ZFHX3: variants seen among roughly 807,000 people sequenced by gnomAD.
ZFHX3 encodes zinc finger homeobox protein 3.
In ZFHX3, 42 loss-of-function variants were observed where a neutral mutation model predicts 279.1. The observed-to-expected ratio is 0.15, with a 90% CI of 0.12 to 0.19. ZFHX3 has a LOEUF of 0.19. ZFHX3 is among the 10% of genes least tolerant of loss of function. ZFHX3 has a pLI of 1.00. For synonymous variants in ZFHX3, 2,293 were observed against 1,957.8 expected (o/e 1.17, Z -4.52); for missense variants, 4,981 against 4,754.0 (o/e 1.05, Z -1.40).
chr16:73,123,963 A>G (rs1416592270), intron 7 of ZFHX3, among the ~76,000 whole-genome samples: 1 of 152,190 alleles, frequency 6.6e-6, no homozygotes, highest in African/African-American at 2.4e-5. Flanking sequence ...TGTGAGAAAT[A>G]CATTTCTATT....
At chr16:73,666,284 A>G (rs1305513093) in intron 2 of ZFHX3, among the ~76,000 whole-genome samples, 1 of 152,018 alleles carries the variant, frequency 6.6e-6, no homozygotes, top group Non-Finnish European at 1.5e-5. Flanking sequence ...ACATGGGATC[A>G]CATCATGTCA....
chr16:73,141,975 T>C (rs1421851308), intron 6 of ZFHX3, among the ~76,000 whole-genome samples: 1 of 152,226 alleles, frequency 6.6e-6, no homozygotes, highest in Non-Finnish European at 1.5e-5. Flanking sequence ...GCAGATGCTC[T>C]TTCAACCAGC....
At chr16:73,568,170 A>T (rs1438935034) in intron 2 of ZFHX3, among the ~76,000 whole-genome samples, 3 of 152,196 alleles carry the variant, frequency 2.0e-5, no homozygotes, top group Non-Finnish European at 4.4e-5. Context: ...AAGTTACTAA[A>T]TTCCTTTACG....
At chr16:73,783,938 T>C (rs751280758) in intron 1 of ZFHX3, among the ~76,000 whole-genome samples, 1 of 152,070 alleles carries the variant, frequency 6.6e-6, no homozygotes, top group Non-Finnish European at 1.5e-5. Flanking sequence ...GTTGATGCTG[T>C]TCCTAAGAAC....
At chr16:73,122,795 G>A (rs1260301978) in intron 7 of ZFHX3, among the ~76,000 whole-genome samples, 3 of 152,156 alleles carry the variant, frequency 2.0e-5, no homozygotes, top group Admixed American at 6.5e-5. Flanking sequence ...GCTTTCCGTG[G>A]CCCTGGGAGC....
At chr16:73,003,578 C>T (rs1567627670) in intron 1 of ZFHX3, among the ~76,000 whole-genome samples, 3 of 135,194 alleles carry the variant, frequency 2.2e-5, no homozygotes, top group East Asian at 2.2e-4. Flanking sequence ...TGATGGCGGG[C>T]GCCTGTAGTC....
chr16:73,445,186 A>G (rs933271050), intron 3 of ZFHX3, among the ~76,000 whole-genome samples: 10 of 151,888 alleles, frequency 6.6e-5, no homozygotes, highest in African/African-American at 2.4e-4. Flanking sequence ...GTATATATGT[A>G]GTTCTGTATA....
intron 1 of ZFHX3, among the ~76,000 whole-genome samples, chr16:73,820,738 T>C (rs554603033): frequency 1.3e-5 from 2 of 152,038 alleles, no homozygotes; most frequent in Admixed American, 6.6e-5. Context: ...TAGTTTGTTA[T>C]ACAGCAATAT....
intron 1 of ZFHX3, among the ~76,000 whole-genome samples, chr16:73,766,228 C>CAGCA (rs1329345000): frequency 6.6e-5 from 10 of 152,164 alleles, no homozygotes; most frequent in African/African-American, 2.4e-4. Flanking sequence ...AACCATGCAG[C>CAGCA]AGCAACTTTT....
intron 7 of ZFHX3, among the ~76,000 whole-genome samples, chr16:73,107,289 G>A (rs570005821): frequency 1.3e-5 from 2 of 151,930 alleles, no homozygotes; most frequent in South Asian, 2.1e-4. Flanking sequence ...CAGACTGGAC[G>A]ACAGAGCAAG....
chr16:72,955,795 ACCCTCACTTTGACCC>A (rs1386890402), intron 2 of ZFHX3, among the ~76,000 whole-genome samples: 1 of 149,780 alleles, frequency 6.7e-6, no homozygotes, highest in Non-Finnish European at 1.5e-5. Flanking sequence ...AAAAAAAAAA[ACCCTCACTTTGACCC>A]AACATGAACC....
chr16:72,796,422 T>A lies in ZFHX3; in HGVS notation c.6260A>T (p.Gln2087Leu), dbSNP rs1464698105. 6.2e-7 allele frequency: 1 copy of A among 1,610,988 alleles called. No individual in the cohort carries two copies. The highest frequency in any genetic ancestry group is 8.5e-7 in the Non-Finnish European group (1 of 1,179,902). Residue 2087 changes from glutamine to leucine, a missense_variant, in exon 9 of 10, where the codon CAG becomes CTG. Physicochemically the swap from Gln to Leu is moderately radical, Grantham distance 113. This residue lies in a region of ZFHX3 where 1,751 missense variants were observed against 1,770.0 expected (regional missense o/e 0.99). Transcript: ENST00000268489. ...APAQPSVPLT[Q>L]LSMPMELPIF... is the part of the protein sequence containing the mutation. ...GGGCAGCTCCATCGGCATGGAGAGC[T>A]GGGTGAGCGGCACTGATGGCTGGGC... is the stretch of plus-strand genomic sequence containing the variant.
chr16:73,497,482 A>G (rs1398489196), intron 2 of ZFHX3, among the ~76,000 whole-genome samples: 1 of 152,200 alleles, frequency 6.6e-6, no homozygotes, highest in Non-Finnish European at 1.5e-5. Flanking sequence ...CAGCCTGGGC[A>G]ACAAAGTGAC....
At chr16:73,729,567 A>G (rs1442555921) in intron 1 of ZFHX3, among the ~76,000 whole-genome samples, 1 of 152,108 alleles carries the variant, frequency 6.6e-6, no homozygotes, top group Non-Finnish European at 1.5e-5. Context: ...AAAAAAAAAA[A>G]AAAACCTGGG....
At position 73,884,875 on chromosome 16, in the gene ZFHX3, A is replaced by T. The variant is rs535753931; in HGVS notation, c.-1608+6776T>A. 4.6e-5 allele frequency among the ~76,000 whole-genome samples: 7 copies of T among 152,334 alleles called. No individual in the cohort carries two copies. The East Asian group carries it at 1.3e-3, about 29-fold the overall frequency. ...TTTATTGTCCTCTTCCCAGAATTAG[A>T]ACTTAATTAGCTGCAAATGCCTTAT... is the stretch of plus-strand genomic sequence containing the variant. On this transcript the variant is annotated intron_variant, in intron 1 of 17. Coordinates refer to the ZFHX3 transcript ENST00000641206.
chr16:72,901,683 G>C (rs776424811), intron 3 of ZFHX3, among the ~76,000 whole-genome samples: 4 of 152,138 alleles, frequency 2.6e-5, no homozygotes, highest in African/African-American at 9.7e-5. Flanking sequence ...CAGACTTGTC[G>C]GAGGGAAGCA....
intron 2 of ZFHX3, among the ~76,000 whole-genome samples, chr16:73,475,123 C>A (rs1480413050): frequency 1.3e-5 from 2 of 152,084 alleles, no homozygotes; most frequent in African/African-American, 4.8e-5. Context: ...CTGAGTAGTT[C>A]TTCAGTTTTT....
chr16:73,351,636 T>A (rs889250879), intron 3 of ZFHX3, among the ~76,000 whole-genome samples: 2 of 152,236 alleles, frequency 1.3e-5, no homozygotes, highest in Non-Finnish European at 2.9e-5. Flanking sequence ...CCAATGAATA[T>A]CAAGTCCTGG....
At chr16:73,711,937 C>T (rs2053367142) in intron 1 of ZFHX3, among the ~76,000 whole-genome samples, 1 of 152,236 alleles carries the variant, frequency 6.6e-6, no homozygotes, top group Non-Finnish European at 1.5e-5. Flanking sequence ...CCTGGCCACA[C>T]TCTCTGGGAA....
Sources: gnomAD v4.1 joint callset for allele counts (sites outside exome capture counted in the v4.1 genomes callset) on GRCh38, gnomAD v4.1.1 for gene constraint, gnomAD v4.1.1 regional missense constraint, MANE v1.5 for transcripts, NCBI Gene and HGNC (gene_info 2026-07-23, HGNC 2026-07-21) for gene names.